EFNA5: variants seen among roughly 807,000 people sequenced by gnomAD.
EFNA5 encodes ephrin A5.
A neutral mutation model predicts 22.9 loss-of-function variants in EFNA5; 5 were observed. The observed-to-expected ratio is 0.22, with a 90% CI of 0.11 to 0.46. The LOEUF (loss-of-function observed/expected upper bound fraction) is 0.46. EFNA5 is among the 20% of genes least tolerant of loss of function. The probability of loss-of-function intolerance (pLI) is 0.99; values close to 1 mark genes in which losing one functional copy is unlikely to be tolerated. For missense variants in EFNA5, 237 were observed against 293.3 expected, an observed-to-expected ratio of 0.81 and a Z score of 1.40; for synonymous variants, 113 against 112.2, an observed-to-expected ratio of 1.01 and a Z score of -0.04.
At chr5:107,534,330 G>T (rs1263035515) in intron 1 of EFNA5, among the ~76,000 whole-genome samples, 4 of 152,146 alleles carry the variant, frequency 2.6e-5, no homozygotes, top group African/African-American at 9.7e-5. Flanking sequence ...TGTGTATATG[G>T]GGGACTGCTT....
At chr5:107,458,056 C>T (rs1333316409) in intron 1 of EFNA5, among the ~76,000 whole-genome samples, 1 of 152,142 alleles carries the variant, frequency 6.6e-6, no homozygotes, top group Non-Finnish European at 1.5e-5. Flanking sequence ...CCCTCTAAAC[C>T]ACACTATTTT....
chr5:107,487,628 C>T (rs25982), intron 1 of EFNA5, among the ~76,000 whole-genome samples: 76,242 of 152,020 alleles, frequency 0.5, 19,708 homozygotes, highest in East Asian at 0.73. Flanking sequence ...GAATTTTTCA[C>T]TTGATCCAAA....
chr5:107,444,263 G>C (rs1749335830), intron 1 of EFNA5, among the ~76,000 whole-genome samples: 1 of 152,198 alleles, frequency 6.6e-6, no homozygotes, highest in South Asian at 2.1e-4. Flanking sequence ...AAGAGAACAT[G>C]CATTTATCTT....
chr5:107,556,973 G>A (rs1247740230), intron 1 of EFNA5, among the ~76,000 whole-genome samples: 6 of 151,610 alleles, frequency 4.0e-5, no homozygotes, highest in Non-Finnish European at 8.8e-5. Flanking sequence ...CATCTTACCT[G>A]CCCTAAATGA....
intron 1 of EFNA5, among the ~76,000 whole-genome samples, chr5:107,621,603 C>G (rs755440104): frequency 1.9e-4 from 29 of 152,296 alleles, no homozygotes; most frequent in Admixed American, 7.8e-4. Context: ...GCTCCACCCC[C>G]CTGAGGCAGC....
chr5:107,538,755 T>C (rs1414085835), intron 1 of EFNA5, among the ~76,000 whole-genome samples: 4 of 152,372 alleles, frequency 2.6e-5, no homozygotes, highest in Middle Eastern at 3.4e-3. Flanking sequence ...CTCCACGCTA[T>C]GTTCGTAATT....
At chr5:107,662,422 A>G (rs984347132) in intron 1 of EFNA5, among the ~76,000 whole-genome samples, 1 of 152,198 alleles carries the variant, frequency 6.6e-6, no homozygotes, top group African/African-American at 2.4e-5. Flanking sequence ...AGTACATGAG[A>G]ATAATGTTCC....
chr5:107,637,294 G>A (rs376239846), intron 1 of EFNA5, among the ~76,000 whole-genome samples: 1 of 152,088 alleles, frequency 6.6e-6, no homozygotes, highest in South Asian at 2.1e-4. Flanking sequence ...AATGACTTTT[G>A]GTTAAAATAA....
intron 1 of EFNA5, among the ~76,000 whole-genome samples, chr5:107,497,433 G>T (rs1170278439): frequency 6.6e-6 from 1 of 152,188 alleles, no homozygotes; most frequent in Non-Finnish European, 1.5e-5. Context: ...GTCATGTAAA[G>T]ATAGGCTGCC....
intron 1 of EFNA5, among the ~76,000 whole-genome samples, chr5:107,494,646 G>C: frequency 6.6e-6 from 1 of 152,244 alleles, no homozygotes; most frequent in Non-Finnish European, 1.5e-5. Flanking sequence ...ACTGGGTGAA[G>C]CCAGCTGGGC....
At chr5:107,649,200 G>C (rs181956258) in intron 1 of EFNA5, among the ~76,000 whole-genome samples, 1 of 152,190 alleles carries the variant, frequency 6.6e-6, no homozygotes, top group African/African-American at 2.4e-5. Flanking sequence ...CAGAGTCCCA[G>C]AGCAATCGAT....
chr5:107,616,608 G>A lies in EFNA5; in HGVS notation c.125+53881C>T, dbSNP rs151107000. Among the ~76,000 whole-genome samples the A allele has an allele frequency of 5.9e-5, 9 of 152,262 alleles. No homozygotes were observed. In the East Asian group the frequency reaches 1.2e-3, roughly 20 times the overall value. ...GCTGCTCGTGTGTGTGTGTATGTGCGTGTGTATGTGTGTCTGTGTGTATTC... is the reference window on the plus strand; with the variant it reads ...GCTGCTCGTGTGTGTGTGTATGTGCATGTGTATGTGTGTCTGTGTGTATTC... On this transcript the variant is annotated intron_variant, in intron 1 of 4. Transcript: ENST00000333274.
At chr5:107,600,680 G>T (rs961789170) in intron 1 of EFNA5, among the ~76,000 whole-genome samples, 1 of 151,954 alleles carries the variant, frequency 6.6e-6, no homozygotes, top group Non-Finnish European at 1.5e-5. Flanking sequence ...TAGAGACAGG[G>T]TTTCACCACG....
chr5:107,500,194 T>C (rs145717320), intron 1 of EFNA5, among the ~76,000 whole-genome samples: 1 of 152,230 alleles, frequency 6.6e-6, no homozygotes, highest in African/African-American at 2.4e-5. Context: ...CAACTATAAG[T>C]TGATCATTAG....
At chr5:107,466,578 G>A (rs374498704) in intron 1 of EFNA5, among the ~76,000 whole-genome samples, 6 of 152,112 alleles carry the variant, frequency 3.9e-5, no homozygotes, top group South Asian at 2.1e-4. Context: ...GAATGTTCTC[G>A]CGAGATCGAC....
At chr5:107,656,192 T>G (rs1166504611) in intron 1 of EFNA5, among the ~76,000 whole-genome samples, 1 of 152,064 alleles carries the variant, frequency 6.6e-6, no homozygotes, top group Non-Finnish European at 1.5e-5. Context: ...GTTTTAGAAG[T>G]CAAAGAAGAA....
chr5:107,633,654 G>C (rs949172811), intron 1 of EFNA5, among the ~76,000 whole-genome samples: 2 of 152,188 alleles, frequency 1.3e-5, no homozygotes, highest in African/African-American at 2.4e-5. Flanking sequence ...CCTTTTATCA[G>C]TGACAGGAGG....
At chr5:107,534,150 A>T (rs1207164566) in intron 1 of EFNA5, among the ~76,000 whole-genome samples, 1 of 152,244 alleles carries the variant, frequency 6.6e-6, no homozygotes, top group Non-Finnish European at 1.5e-5. Context: ...AACTGTCTGC[A>T]GAGATAAGGT....
intron 1 of EFNA5, among the ~76,000 whole-genome samples, chr5:107,668,486 A>AG (rs1040324904): frequency 6.6e-6 from 1 of 152,174 alleles, no homozygotes; most frequent in African/African-American, 2.4e-5. Flanking sequence ...CAGGTTAAGA[A>AG]GGGGGGTTAA....
Sources: gnomAD v4.1 joint callset for allele counts (sites outside exome capture counted in the v4.1 genomes callset) on GRCh38, gnomAD v4.1.1 for gene constraint, MANE v1.5 for transcripts, NCBI Gene and HGNC (gene_info 2026-07-23, HGNC 2026-07-21) for gene names.